PLXDC2: variants seen among roughly 807,000 people sequenced by gnomAD.
PLXDC2 encodes plexin domain-containing protein 2.
Under a neutral mutation model 68.9 loss-of-function variants are expected in PLXDC2, and 40 were observed. That is an observed-to-expected ratio of 0.58 (90% CI 0.45 to 0.76). The LOEUF (loss-of-function observed/expected upper bound fraction) is 0.76, where lower values mean the gene tolerates loss of function less well. Ranked by LOEUF, PLXDC2 falls within the 30% of genes least tolerant of loss-of-function variation. PLXDC2 has a pLI of 0.00. For synonymous variants in PLXDC2, 243 were observed against 234.2 expected (o/e 1.04, Z -0.34); for missense variants, 644 against 661.9 (o/e 0.97, Z 0.30).
chr10:19,868,439 G>A (rs977554917), intron 1 of PLXDC2, among the ~76,000 whole-genome samples: 1 of 152,092 alleles, frequency 6.6e-6, no homozygotes, highest in East Asian at 1.9e-4. Context: ...TTCTGCCAAC[G>A]TTTAGCAAAC....
chr10:20,124,068 T>C (rs1415771538), intron 4 of PLXDC2, among the ~76,000 whole-genome samples: 6 of 151,940 alleles, frequency 3.9e-5, no homozygotes, highest in Admixed American at 1.3e-4. Flanking sequence ...TACTTGCCCC[T>C]CCCACAGAAA....
At chr10:19,892,948 A>G (rs1193314265) in intron 1 of PLXDC2, among the ~76,000 whole-genome samples, 3 of 131,700 alleles carry the variant, frequency 2.3e-5, no homozygotes, top group Non-Finnish European at 4.8e-5. Context: ...TGCCACTGTT[A>G]CAATTTGCCA....
intron 6 of PLXDC2, among the ~76,000 whole-genome samples, chr10:20,156,309 A>G (rs1457252172): frequency 6.6e-6 from 1 of 152,146 alleles, no homozygotes; most frequent in Non-Finnish European, 1.5e-5. Flanking sequence ...CAGAGGGCAC[A>G]CTTTTTACTC....
chr10:20,044,126 C>CCTTCCTTCCTTCCTTCCTTCCTT (rs1564293709), intron 2 of PLXDC2, among the ~76,000 whole-genome samples: 97 of 14,746 alleles, frequency 6.6e-3, no homozygotes, highest in Middle Eastern at 0.029. Context: ...CTTCCTTCCT[C>CCTTCCTTCCTTCCTTCCTTCCTT]CCTCCCTCCC....
chr10:19,964,964 T>C (rs1461428825), intron 1 of PLXDC2, among the ~76,000 whole-genome samples: 1 of 152,210 alleles, frequency 6.6e-6, no homozygotes, highest in Non-Finnish European at 1.5e-5. Context: ...GAATTGTTCC[T>C]GAGAGTGCTC....
At chr10:19,900,806 G>T (rs140130302) in intron 1 of PLXDC2, among the ~76,000 whole-genome samples, 1 of 151,478 alleles carries the variant, frequency 6.6e-6, no homozygotes, top group Non-Finnish European at 1.5e-5. Context: ...CTTTTTATGC[G>T]TTTGTTTCCT....
intron 1 of PLXDC2, among the ~76,000 whole-genome samples, chr10:19,833,847 G>T (rs771621731): frequency 6.6e-6 from 1 of 151,926 alleles, no homozygotes. Flanking sequence ...TTCTAAGATT[G>T]CATCAATGAA....
In PLXDC2 at chr10:19,858,428, G is replaced by A. The variant is rs533588874; in HGVS notation, c.112+41237G>A. Among the ~76,000 whole-genome samples the A allele has an allele frequency of 9.2e-5, 14 of 152,282 alleles. No individual in the cohort carries two copies. The South Asian group carries it at 2.3e-3, about 25-fold the overall frequency. On this transcript the variant is annotated intron_variant, in intron 1 of 13. Transcript: ENST00000377252. ...ATACTTGTTGAATAAATGAAGGGAA[G>A]AATTCTTGAAATCATTCTCCCTTTT...
intron 4 of PLXDC2, among the ~76,000 whole-genome samples, chr10:20,077,731 A>C (rs1836476054): frequency 6.6e-6 from 1 of 152,246 alleles, no homozygotes; most frequent in Non-Finnish European, 1.5e-5. Context: ...CTCCAGAAAA[A>C]TATAAAATTA....
chr10:20,209,926 A>T (rs899312560), intron 9 of PLXDC2, among the ~76,000 whole-genome samples: 8 of 152,164 alleles, frequency 5.3e-5, no homozygotes, highest in Non-Finnish European at 1.2e-4. Context: ...GTAAGAAATT[A>T]TAAAAGTATT....
At chr10:20,088,122 A>G (rs1428181981) in intron 4 of PLXDC2, among the ~76,000 whole-genome samples, 1 of 152,210 alleles carries the variant, frequency 6.6e-6, no homozygotes, top group Non-Finnish European at 1.5e-5. Context: ...AATACTTCAG[A>G]GCACTAGAGA....
chr10:20,202,632 A>G (rs1030647586), intron 9 of PLXDC2, among the ~76,000 whole-genome samples: 1 of 152,192 alleles, frequency 6.6e-6, no homozygotes, highest in Non-Finnish European at 1.5e-5. Flanking sequence ...GAAGTTACAC[A>G]GGTAGCAAAG....
At chr10:20,000,504 A>C (rs553828061) in intron 1 of PLXDC2, among the ~76,000 whole-genome samples, 1 of 152,208 alleles carries the variant, frequency 6.6e-6, no homozygotes, top group Non-Finnish European at 1.5e-5. Flanking sequence ...TATGCATCAT[A>C]ATATCAGACA....
intron 1 of PLXDC2, among the ~76,000 whole-genome samples, chr10:19,973,091 G>A (rs989386386): frequency 1.3e-5 from 2 of 151,690 alleles, no homozygotes; most frequent in Admixed American, 6.6e-5. Flanking sequence ...TTTAAAAAGA[G>A]TTTTTGGCTT....
At chr10:20,208,344 C>T (rs1020228038) in intron 9 of PLXDC2, among the ~76,000 whole-genome samples, 1 of 152,032 alleles carries the variant, frequency 6.6e-6, no homozygotes, top group African/African-American at 2.4e-5. Flanking sequence ...GAGAGCCAGG[C>T]AAAAGGGGAA....
intron 4 of PLXDC2, among the ~76,000 whole-genome samples, chr10:20,077,980 G>A (rs1044432015): frequency 6.6e-6 from 1 of 151,524 alleles, no homozygotes; most frequent in East Asian, 1.9e-4. Flanking sequence ...ATCTCTTCAG[G>A]TAACTTACTA....
intron 1 of PLXDC2, among the ~76,000 whole-genome samples, chr10:19,964,686 C>T (rs1469323731): frequency 6.6e-6 from 1 of 152,154 alleles, no homozygotes; most frequent in East Asian, 1.9e-4. Flanking sequence ...TTTCGTGTCT[C>T]TCTGCCCCAG....
At chr10:20,141,641 G>T (rs1281326679) in intron 4 of PLXDC2, among the ~76,000 whole-genome samples, 1 of 151,898 alleles carries the variant, frequency 6.6e-6, no homozygotes, top group African/African-American at 2.4e-5. Flanking sequence ...ATGCTGGAGA[G>T]GATAGGAGAA....
At chr10:20,236,182 C>G (rs1835429895) in intron 12 of PLXDC2, among the ~76,000 whole-genome samples, 1 of 152,016 alleles carries the variant, frequency 6.6e-6, no homozygotes, top group African/African-American at 2.4e-5. Flanking sequence ...CGACTCACAC[C>G]TGTAATTCCA....
Sources: allele counts gnomAD v4.1 joint callset (sites outside exome capture counted in the v4.1 genomes callset), GRCh38; gene constraint gnomAD v4.1.1; transcripts MANE v1.5; gene names NCBI Gene and HGNC (gene_info 2026-07-23, HGNC 2026-07-21).